NCAPG2: variants seen among roughly 807,000 people sequenced by gnomAD.
NCAPG2 encodes the protein condensin-2 complex subunit G2.
NCAPG2 carries 53 observed loss-of-function variants against 141.1 expected under a neutral mutation model. The ratio of observed to expected loss-of-function variants is 0.38; its 90% CI spans 0.30 to 0.47. The LOEUF (loss-of-function observed/expected upper bound fraction) is 0.47, where lower values mean the gene tolerates loss of function less well. NCAPG2 is among the 20% of genes least tolerant of loss of function. The pLI is 0.99. For synonymous variants in NCAPG2, 499 were observed against 490.7 expected, an observed-to-expected ratio of 1.02 and a Z score of -0.22; for missense variants, 1,087 against 1,389.0, an observed-to-expected ratio of 0.78 and a Z score of 3.46.
At chr7:158,651,929 T>A (rs1831523209) in intron 23 of NCAPG2, among the ~76,000 whole-genome samples, 1 of 152,248 alleles carries the variant, frequency 6.6e-6, no homozygotes, top group Admixed American at 6.5e-5. Flanking sequence ...CTCTGTGAAC[T>A]TAACAATTAT....
At chr7:158,667,495 C>CG (rs1262912548) in intron 13 of NCAPG2, among the ~76,000 whole-genome samples, 3 of 118,252 alleles carry the variant, frequency 2.5e-5, no homozygotes, top group Admixed American at 1.7e-4. Context: ...CTCCGCCCGC[C>CG]TTACCCACTA....
At chr7:158,664,871 C>T in intron 13 of NCAPG2, 121 bp from the exon 14 acceptor site, 1 of 769,048 alleles carries the variant, frequency 1.3e-6, no homozygotes, top group Admixed American at 3.1e-5. Flanking sequence ...TAAAAAAATT[C>T]ACTTCGAATG....
At chr7:158,637,908 C>T (rs1830396840) in intron 27 of NCAPG2, among the ~76,000 whole-genome samples, 1 of 152,142 alleles carries the variant, frequency 6.6e-6, no homozygotes, top group South Asian at 2.1e-4. Context: ...CTTTGGGAGG[C>T]CGAGGCGGGC....
intron 6 of NCAPG2, among the ~76,000 whole-genome samples, chr7:158,689,222 CTATTA>C (rs1834973828): frequency 6.6e-6 from 1 of 152,002 alleles, no homozygotes; most frequent in Non-Finnish European, 1.5e-5. Flanking sequence ...AAAATATTGT[CTATTA>C]TATTAAGTAT....
chr7:158,660,829 G>A (rs1587149059), intron 16 of NCAPG2, among the ~76,000 whole-genome samples: 1 of 152,146 alleles, frequency 6.6e-6, no homozygotes, highest in African/African-American at 2.4e-5. Flanking sequence ...CACGGTGGTA[G>A]GTAACTGAAT....
chr7:158,672,783 ACACCGGC>A (rs942044815), intron 12 of NCAPG2, among the ~76,000 whole-genome samples: 1 of 152,088 alleles, frequency 6.6e-6, no homozygotes, highest in African/African-American at 2.4e-5. Context: ...CTCCCACTGG[ACACCGGC>A]CACCGGCCAC....
chr7:158,671,272 T>A (rs1415987614), intron 13 of NCAPG2, among the ~76,000 whole-genome samples: 1 of 152,192 alleles, frequency 6.6e-6, no homozygotes, highest in Non-Finnish European at 1.5e-5. Context: ...AAAACCTTCA[T>A]ACATGACGAA....
rs768276973 is a variant in NCAPG2 at position 158,656,360 on chromosome 7, T to C, written c.2288A>G (p.Tyr763Cys). 9.3e-6 allele frequency: 15 copies of C among 1,614,204 alleles called. No homozygotes were observed. The South Asian group carries it at 1.6e-4, about 18-fold the overall frequency. ...RPVKPELALV[Y>C]IEYLLTHPKN... ...TGGATGAGTCAGCAGATACTCAATG[T>C]AGACCAATGCCAATTCAGGTTTGAC... The change falls in exon 19 of 28, where the codon TAC becomes TGC. Residue 763 changes from tyrosine to cysteine, a missense_variant. Coordinates refer to ENST00000356309, the MANE Select transcript of NCAPG2 (RefSeq NM_017760.7).
At chr7:158,677,522 A>G (rs1834137511) in intron 11 of NCAPG2, among the ~76,000 whole-genome samples, 1 of 95,124 alleles carries the variant, frequency 1.1e-5, no homozygotes, top group Non-Finnish European at 2.1e-5. Context: ...GATAAAAATA[A>G]AGCAAAAAAA....
At chr7:158,668,662 T>C (rs945236677) in intron 13 of NCAPG2, among the ~76,000 whole-genome samples, 9 of 152,216 alleles carry the variant, frequency 5.9e-5, no homozygotes, top group African/African-American at 2.2e-4. Context: ...TTATATATGT[T>C]TGAAAATTCA....
rs948935108 is a variant in NCAPG2, at chr7:158,664,669, G to A, written c.1561C>T (p.Leu521Phe). 1 of 1,614,118 alleles carries A rather than the reference G, an allele frequency of 6.2e-7. No individual in the cohort carries two copies. Among genetic ancestry groups the A allele is most frequent in the Non-Finnish European group, 8.5e-7 (1 of 1,180,032 alleles). The change falls in exon 14 of 28, where the codon CTC becomes TTC. Residue 521 changes from leucine to phenylalanine, a missense_variant. Coordinates refer to ENST00000356309, the MANE Select transcript of NCAPG2 (RefSeq NM_017760.7). ...SRPVSRRLVSLIFNSFLPVNQ... is the reference protein window; with the variant it reads ...SRPVSRRLVSFIFNSFLPVNQ... The stretch of plus-strand genomic sequence containing the variant: ...ACAGGCAGGAAAGAATTAAAGATGA[G>A]GCTCACCAGGCGCCGAGACACAGGT...
intron 13 of NCAPG2, among the ~76,000 whole-genome samples, chr7:158,669,367 A>G (rs1156635954): frequency 1.3e-5 from 2 of 152,178 alleles, no homozygotes; most frequent in Admixed American, 1.3e-4. Context: ...CAATGGTTGA[A>G]CTAATTTACA....
chr7:158,648,552 T>C (rs1366321759), intron 24 of NCAPG2, among the ~76,000 whole-genome samples: 1 of 124,022 alleles, frequency 8.1e-6, no homozygotes, highest in Admixed American at 7.8e-5. Context: ...CCACGGCAAA[T>C]GGACGACAAC....
intron 2 of NCAPG2, chr7:158,696,321 T>G (rs1392377940): frequency 6.6e-6 from 1 of 152,182 alleles, no homozygotes; most frequent in Non-Finnish European, 1.5e-5. Context: ...CTGCCAAACT[T>G]TCTGAAGGCC....
chr7:158,692,782 C>T, intron 4 of NCAPG2, 60 bp downstream of exon 4: 2 of 1,022,856 alleles, frequency 2.0e-6, no homozygotes, highest in Admixed American at 4.7e-5. Context: ...AAAACAGAAA[C>T]AAAAACAAGT....
intron 22 of NCAPG2, 30 bp downstream of exon 22, chr7:158,654,565 T>C (rs377393391): frequency 6.2e-7 from 1 of 1,604,672 alleles, no homozygotes; most frequent in Non-Finnish European, 8.5e-7. Context: ...GTTCTGAGTA[T>C]TTATTGCTCT....
At chr7:158,639,996 A>T (rs1830523519) in intron 27 of NCAPG2, 1 of 261,358 alleles carries the variant, frequency 3.8e-6, no homozygotes, top group Non-Finnish European at 5.9e-6. Context: ...ATATTCAGAC[A>T]ATAATAACTG....
At position 158,700,362 on chromosome 7, in the gene NCAPG2, A is replaced by C. The variant is rs546150212; in HGVS notation, c.78+1460T>G. On this transcript the variant is annotated intron_variant, in intron 2 of 27. Coordinates refer to ENST00000356309, the MANE Select transcript of NCAPG2 (RefSeq NM_017760.7). ...CACAACGGGTGGCTGGAAACAACGC[A>C]CCCCAGAAGGGCACCTGTCATTGTG... Among the ~76,000 whole-genome samples, 6 of 152,288 alleles carry C rather than the reference A, an allele frequency of 3.9e-5. No homozygotes were observed. In the East Asian group the frequency reaches 1.2e-3, roughly 29 times the overall value.
rs745645080 is a variant in NCAPG2, at chr7:158,675,491, A to T, written c.1312T>A (p.Cys438Ser). 1 of 1,601,716 alleles carries T rather than the reference A, an allele frequency of 6.2e-7. No individual in the cohort carries two copies. ...AFDTSSADVR[C>S]SVFKCLPMIL... ...AAAAATCTTACCTTAAAGACAGAACAACGAACATCAGCTGAGCTCGTGTCA... is the reference window on the plus strand; with the variant it reads ...AAAAATCTTACCTTAAAGACAGAACTACGAACATCAGCTGAGCTCGTGTCA... The change falls in exon 12 of 28, where the codon TGT becomes AGT. Residue 438 changes from cysteine (C) to serine (S), a missense_variant. By Grantham distance (112) the Cys-to-Ser change is moderately radical. Coordinates refer to ENST00000356309, the MANE Select transcript of NCAPG2 (RefSeq NM_017760.7).
Sources: gnomAD v4.1 joint callset for allele counts (sites outside exome capture counted in the v4.1 genomes callset) on GRCh38, gnomAD v4.1.1 for gene constraint, MANE v1.5 for transcripts, NCBI Gene and HGNC (gene_info 2026-07-23, HGNC 2026-07-21) for gene names.